Variants in LRIG1 observed in about 807,000 individuals in gnomAD.
LRIG1 encodes the protein leucine-rich repeats and immunoglobulin-like domains protein 1.
In LRIG1, 48 loss-of-function variants were observed where a neutral mutation model predicts 99.2. The ratio of observed to expected loss-of-function variants is 0.48; its 90% CI spans 0.38 to 0.62. LRIG1 has a LOEUF of 0.62. LRIG1 is among the 20% of genes least tolerant of loss of function. The pLI is 0.00. For synonymous variants in LRIG1, 772 were observed against 596.1 expected, an observed-to-expected ratio of 1.29 and a Z score of -4.30; for missense variants, 1,646 against 1,434.4, an observed-to-expected ratio of 1.15 and a Z score of -2.38.
chr3:66,381,356 C>A (rs377363202), intron 17 of LRIG1, 123 bp downstream of exon 17: 13 of 954,962 alleles, frequency 1.4e-5, no homozygotes, highest in Admixed American at 7.0e-5. Context: ...CCTGTATATA[C>A]TGAATACCAA....
At chr3:66,428,344 TC>T (rs1363097472) in intron 3 of LRIG1, among the ~76,000 whole-genome samples, 2 of 152,064 alleles carry the variant, frequency 1.3e-5, no homozygotes, top group Admixed American at 1.3e-4. Flanking sequence ...CCCTCATATG[TC>T]CCCTTTCTGA....
At chr3:66,413,348 C>T (rs1303805354) in intron 5 of LRIG1, among the ~76,000 whole-genome samples, 1 of 152,198 alleles carries the variant, frequency 6.6e-6, no homozygotes, top group African/African-American at 2.4e-5. Flanking sequence ...TGTGACTCTG[C>T]AGTGAGGACG....
Position 66,500,298 on chromosome 3 carries a change from G to A in LRIG1, c.110C>T (p.Pro37Leu), listed in dbSNP as rs1701328058. The A allele has an allele frequency of 1.4e-6, 2 of 1,473,766 alleles. No individual in the cohort carries two copies. The highest frequency in any genetic ancestry group is 2.1e-4 in the Middle Eastern group (1 of 4,734). 91.3% of individuals were successfully genotyped at this position (1,473,766 alleles called of 1,614,324 possible). Residue 37 changes from proline to leucine, a missense_variant, in exon 1 of 19, where the codon CCG becomes CTG. Coordinates refer to ENST00000273261, the MANE Select transcript of LRIG1 (RefSeq NM_015541.3). ...GCAGGCGGCCGCGCAGGGCGCCCGC[G>A]GGCCGGCCGCGGCGGTCACCGGCTC... ...RLEPVTAAAG[P>L]RAPCAAACTC...
At chr3:66,487,292 A>C (rs1700996800) in intron 1 of LRIG1, among the ~76,000 whole-genome samples, 1 of 152,254 alleles carries the variant, frequency 6.6e-6, no homozygotes, top group Non-Finnish European at 1.5e-5. Context: ...CGCTGGCTCC[A>C]GAGGGGAAAA....
intron 3 of LRIG1, among the ~76,000 whole-genome samples, chr3:66,430,358 G>A (rs1231635288): frequency 2.0e-5 from 3 of 152,146 alleles, no homozygotes; most frequent in East Asian, 1.9e-4. Context: ...CAAATAGCAC[G>A]GGGTGGGGGT....
chr3:66,388,867 T>A (rs752953436), intron 12 of LRIG1, among the ~76,000 whole-genome samples: 1 of 152,176 alleles, frequency 6.6e-6, no homozygotes, highest in Non-Finnish European at 1.5e-5. Flanking sequence ...AGGAGAGTAT[T>A]TAGTATGGCT....
In LRIG1 at chr3:66,379,129, C is replaced by T. The variant is rs1006164290; in HGVS notation, c.*1134G>A. The T allele has an allele frequency of 6.6e-6, 1 of 152,410 alleles. No individual in the cohort carries two copies. Among genetic ancestry groups the T allele is most frequent in the East Asian group, 1.9e-4 (1 of 5,198 alleles). The allele number at this position is 152,410 out of a possible 1,614,324, so 9.4% of individuals were successfully genotyped here. On this transcript the variant is annotated 3_prime_UTR_variant, in exon 19 of 19. Coordinates refer to ENST00000273261, the MANE Select transcript of LRIG1 (RefSeq NM_015541.3). ...AAGGAACATTTGAAGGACCTTGTTT[C>T]TATTTAAGTTTTACTAAATGACACA...
In LRIG1 at chr3:66,497,417, T is replaced by TG. The variant is rs200979699; in HGVS notation, c.218+2772dup. 1.6e-3 allele frequency among the ~76,000 whole-genome samples: 242 copies of TG among 152,276 alleles called. 3 individuals carry two copies. The East Asian group carries it at 0.036, about 23-fold the overall frequency. ...AGAAGTTCAACTTCTTCTCAGGTTC[T>TG]GGGAAGTTGGAATAAGGCTTGGCAG... On this transcript the variant is annotated intron_variant, in intron 1 of 18. Transcript: ENST00000273261.
rs956748965 is a variant in LRIG1 at position 66,490,542 on chromosome 3, C to T, written c.218+9648G>A. 2.6e-5 allele frequency among the ~76,000 whole-genome samples: 4 copies of T among 152,098 alleles called. No individual in the cohort carries two copies. The East Asian group carries it at 7.7e-4, about 29-fold the overall frequency. On this transcript the variant is annotated intron_variant, in intron 1 of 18. Transcript: ENST00000273261. ...GGCATGATGCTGGGTCAAGGTACCA[C>T]CACACTGCTAAAACCAGATGAAAGA...
intron 1 of LRIG1, among the ~76,000 whole-genome samples, chr3:66,499,628 C>T (rs1701308284): frequency 6.6e-6 from 1 of 152,128 alleles, no homozygotes; most frequent in Non-Finnish European, 1.5e-5. Flanking sequence ...CAGGCCACCA[C>T]GGTCTTCGGG....
intron 1 of LRIG1, among the ~76,000 whole-genome samples, chr3:66,482,397 T>C (rs747339823): frequency 2.1e-4 from 32 of 152,100 alleles, no homozygotes; most frequent in Non-Finnish European, 3.8e-4. Flanking sequence ...GGAAGGAAAC[T>C]GAAAAAGGAA....
At chr3:66,431,416 A>G (rs1703167430) in intron 3 of LRIG1, among the ~76,000 whole-genome samples, 2 of 152,198 alleles carry the variant, frequency 1.3e-5, no homozygotes, top group South Asian at 4.1e-4. Context: ...ATTTTAACCA[A>G]GAAGCGTCCG....
chr3:66,394,572 C>G (rs1701768367), intron 11 of LRIG1, among the ~76,000 whole-genome samples: 1 of 152,148 alleles, frequency 6.6e-6, no homozygotes, highest in Non-Finnish European at 1.5e-5. Flanking sequence ...CCTGGGCTGC[C>G]TTCTGACCTC....
intron 3 of LRIG1, among the ~76,000 whole-genome samples, chr3:66,450,586 G>A (rs1484464067): frequency 6.6e-6 from 1 of 152,172 alleles, no homozygotes; most frequent in African/African-American, 2.4e-5. Flanking sequence ...AGGGCATGCT[G>A]CCAGCCAAAG....
At position 66,398,105 on chromosome 3, in the gene LRIG1, T is replaced by C. The variant is rs751193708; in HGVS notation, c.1304+7A>G. On this transcript the variant is annotated splice_region_variant and intron_variant, in intron 11 of 18. Transcript: ENST00000273261. ...ATTAATCAGACCCAGGGAATCCAGA[T>C]ACTTACAGCTCTTTAAGATTCTTCA... 2.5e-6 allele frequency: 4 copies of C among 1,610,062 alleles called. No homozygotes were observed. The highest frequency in any genetic ancestry group is 1.7e-5 in the Admixed American group (1 of 59,968).
At chr3:66,392,371 GTT>G (rs1265661921) in intron 12 of LRIG1, among the ~76,000 whole-genome samples, 1 of 152,200 alleles carries the variant, frequency 6.6e-6, no homozygotes, top group Admixed American at 6.5e-5. Flanking sequence ...TGCCGAGACT[GTT>G]TTCCAAAGTG....
rs1701356745 is a variant in LRIG1 at position 66,386,074 on chromosome 3, G to C, written c.1696C>G (p.Gln566Glu). ...CGGCCCTCGTGCCCGAAAGTGACCT[G>C]ACGGAGGTGCAGGATGGTGGTGTAC... ...MEYTTILHLR[Q>E]VTFGHEGRYQ... The change falls in exon 13 of 19, where the codon CAG (glutamine) becomes GAG (glutamate). Residue 566 changes from glutamine to glutamate, a missense_variant. By Grantham distance (29) the Gln-to-Glu change is conservative. Transcript: ENST00000273261. 5.6e-6 allele frequency: 9 copies of C among 1,614,058 alleles called. No individual in the cohort carries two copies. Among genetic ancestry groups the C allele is most frequent in the Non-Finnish European group, 5.1e-6 (6 of 1,180,028 alleles).
intron 1 of LRIG1, among the ~76,000 whole-genome samples, chr3:66,481,740 C>T (rs1700856841): frequency 6.6e-6 from 1 of 152,172 alleles, no homozygotes; most frequent in Non-Finnish European, 1.5e-5. Flanking sequence ...GGCAGGAAGA[C>T]AAATAAACGA....
At chr3:66,477,157 C>A (rs1367844194) in intron 1 of LRIG1, among the ~76,000 whole-genome samples, 1 of 152,198 alleles carries the variant, frequency 6.6e-6, no homozygotes. Context: ...CACAAACCAA[C>A]TAACATTCAT....
Sources: gnomAD v4.1 joint callset for allele counts (sites outside exome capture counted in the v4.1 genomes callset) on GRCh38, gnomAD v4.1.1 for gene constraint, MANE v1.5 for transcripts, NCBI Gene and HGNC (gene_info 2026-07-23, HGNC 2026-07-21) for gene names.